ESRP2: variants seen among roughly 807,000 people sequenced by gnomAD.
ESRP2 encodes epithelial splicing regulatory protein 2.
A neutral mutation model predicts 78.6 loss-of-function variants in ESRP2; 48 were observed. The observed-to-expected ratio is 0.61, with a 90% CI of 0.48 to 0.78. ESRP2 has a LOEUF of 0.78. Ranked by LOEUF, ESRP2 falls within the 30% of genes least tolerant of loss-of-function variation. The pLI is 0.00. For missense variants in ESRP2, 863 were observed against 965.9 expected, an observed-to-expected ratio of 0.89 and a Z score of 1.41; for synonymous variants, 383 against 406.7, an observed-to-expected ratio of 0.94 and a Z score of 0.70.
chr16:68,231,123 T>C lies in ESRP2; in HGVS notation c.1711+55A>G, dbSNP rs2042130570. The C allele has an allele frequency of 1.9e-6, 3 of 1,609,158 alleles. No individual in the cohort carries two copies. The highest frequency in any genetic ancestry group is 3.3e-5 in the Admixed American group (2 of 59,928). On this transcript the variant is annotated intron_variant, in intron 12 of 14. Coordinates refer to ENST00000473183, the MANE Select transcript of ESRP2 (RefSeq NM_024939.3). The surrounding 1 kb of genome is among the most constrained non-coding windows in gnomAD (Gnocchi z 6.0). Reference sequence around the variant, plus strand: ...GTCCCCGCTATAGAAGGTAGGGGCTTACAACAGCCTGGCTACCACAGGCCT... The same window carrying C: ...GTCCCCGCTATAGAAGGTAGGGGCTCACAACAGCCTGGCTACCACAGGCCT...
Position 68,236,083 on chromosome 16 carries a change from A to C in ESRP2, c.-38T>G. ...AGGGGGCTCTCGGCCAGACACGCGG[A>C]CCGACGAGGCGCACGCACGCACCGA... is the stretch of plus-strand genomic sequence containing the variant. On this transcript the variant is annotated 5_prime_UTR_variant, in exon 1 of 15. Transcript: ENST00000473183. This position sits in a 1 kb window ranked among gnomAD's most constrained non-coding sequence, Gnocchi z 5.2. The C allele has an allele frequency of 7.2e-7, 1 of 1,393,322 alleles. No homozygotes were observed. Among genetic ancestry groups the C allele is most frequent in the South Asian group, 1.6e-5 (1 of 61,520 alleles). The allele number at this position is 1,393,322 out of a possible 1,614,324, so 86.3% of individuals were successfully genotyped here. A position where few individuals can be genotyped will look rare whatever the true frequency, so the allele number is the denominator to read the frequency against.
In ESRP2 at chr16:68,231,538, C is replaced by G. The variant is rs146975136; in HGVS notation, c.1456G>C (p.Gly486Arg). The change falls in exon 11 of 15, where the codon GGG becomes CGG. Residue 486 changes from glycine to arginine, a missense_variant. Physicochemically the swap from Gly to Arg is moderately radical, Grantham distance 125. Transcript: ENST00000473183. The surrounding 1 kb of genome is among the most constrained non-coding windows in gnomAD (Gnocchi z 6.0). ...GGCCGAATGTCAGCTGCTGCCTCCC[C>G]CAGAAAGCTCAGGATGTCTTCAATG... is the stretch of plus-strand genomic sequence containing the variant. Reference protein sequence around the residue: ...ATIEDILSFLGEAAADIRPHG... With the variant: ...ATIEDILSFLREAAADIRPHG... 10 of 1,614,010 alleles carry G rather than the reference C, an allele frequency of 6.2e-6. No individual in the cohort carries two copies. The highest frequency in any genetic ancestry group is 4.5e-5 in the East Asian group (2 of 44,892).
At chr16:68,234,139 A>C in intron 2 of ESRP2, 32 bp from the exon 3 acceptor site, 2 of 1,510,026 alleles carry the variant, frequency 1.3e-6, no homozygotes, top group Non-Finnish European at 1.8e-6. Context: ...AGAGAAACAC[A>C]CAGATTCACA....
chr16:68,235,576 A>G lies in ESRP2; in HGVS notation c.327+58T>C, dbSNP rs141865143. On this transcript the variant is annotated intron_variant, in intron 2 of 14. Transcript: ENST00000473183. This position sits in a 1 kb window ranked among gnomAD's most constrained non-coding sequence, Gnocchi z 5.5. Reference sequence around the variant, plus strand: ...CGCCAGGCCTAGCCTCCGGCCGCCAATCCCGCCCAGAAATGTCCTCACGTC... The same window carrying G: ...CGCCAGGCCTAGCCTCCGGCCGCCAGTCCCGCCCAGAAATGTCCTCACGTC... 0.042 allele frequency: 66,303 copies of G among 1,588,038 alleles called. 1,587 individuals carry two copies. Among genetic ancestry groups the G allele is most frequent in the Middle Eastern group, 0.098 (505 of 5,158 alleles).
chr16:68,233,918 C>T, intron 3 of ESRP2, 36 bp from the exon 4 acceptor site: 1 of 1,597,978 alleles, frequency 6.3e-7, no homozygotes, highest in Non-Finnish European at 8.6e-7. Context: ...AGCGCCCTGC[C>T]CACCCTCAGG....
At position 68,232,131 on chromosome 16, in the gene ESRP2, C is replaced by T. The variant is rs766807511; in HGVS notation, c.998-28G>A. Reference sequence around the variant, plus strand: ...GTGTATGAGAGTCGCCTGCTGACTTCACTCATGCTCCTCCAGACACTCACC... The same window carrying T: ...GTGTATGAGAGTCGCCTGCTGACTTTACTCATGCTCCTCCAGACACTCACC... On this transcript the variant is annotated intron_variant, in intron 9 of 14. Coordinates refer to ENST00000473183, the MANE Select transcript of ESRP2 (RefSeq NM_024939.3). This position sits in a 1 kb window ranked among gnomAD's most constrained non-coding sequence, Gnocchi z 5.2. The T allele has an allele frequency of 6.2e-7, 1 of 1,609,822 alleles. No individual in the cohort carries two copies. Among genetic ancestry groups the T allele is most frequent in the South Asian group, 1.1e-5 (1 of 90,774 alleles).
intron 4 of ESRP2, 28 bp from the exon 5 acceptor site, chr16:68,233,453 CATCTT>C: frequency 3.9e-6 from 6 of 1,531,678 alleles, no homozygotes; most frequent in Non-Finnish European, 5.4e-6. Flanking sequence ...ACAGTGAAGA[CATCTT>C]AGCATAAGCA....
chr16:68,233,658 A>C, intron 4 of ESRP2, 110 bp downstream of exon 4: 1 of 832,612 alleles, frequency 1.2e-6, no homozygotes, highest in South Asian at 1.5e-5. Context: ...GGGACTTAGC[A>C]GATAACGCAG....
rs781557581 is a variant in ESRP2 at position 68,233,381 on chromosome 16, A to C, written c.601T>G (p.Trp201Gly). The C allele has an allele frequency of 6.2e-7, 1 of 1,614,116 alleles. No individual in the cohort carries two copies. Among genetic ancestry groups the C allele is most frequent in the Admixed American group, 1.7e-5 (1 of 60,022 alleles). Residue 201 changes from tryptophan to glycine, a missense_variant, in exon 5 of 15, where the codon TGG (tryptophan) becomes GGG (glycine). Transcript: ENST00000473183. ...ACAGCTACCATTGTCTTGACTTCCC[A>C]GACCCCAAAGTCATCCTCTGTGGCA... ...TDATEDDFGV[W>G]EVKTMVAVIL...
Position 68,229,220 on chromosome 16 carries a change from T to G in ESRP2, c.*1006A>C, listed in dbSNP as rs141967104. On this transcript the variant is annotated 3_prime_UTR_variant, in exon 15 of 15. Transcript: ENST00000473183. ...AGAGCCAGCAGTTGAGGCTCCTCAG[T>G]TTTAGTGCTGAAATAATAAACAGTG... 2.0e-5 allele frequency: 3 copies of G among 152,330 alleles called. No individual in the cohort carries two copies. The East Asian group carries it at 5.8e-4, about 29-fold the overall frequency. 9.4% of individuals were successfully genotyped at this position (152,330 alleles called of 1,614,324 possible). A position where few individuals can be genotyped will look rare whatever the true frequency, so the allele number is the denominator to read the frequency against.
chr16:68,235,796 C>T lies in ESRP2; in HGVS notation c.199-34G>A, dbSNP rs1428879767. The T allele has an allele frequency of 6.2e-7, 1 of 1,610,124 alleles. No homozygotes were observed. The highest frequency in any genetic ancestry group is 8.5e-7 in the Non-Finnish European group (1 of 1,178,682). On this transcript the variant is annotated intron_variant, in intron 1 of 14. Transcript: ENST00000473183. The surrounding 1 kb of genome is among the most constrained non-coding windows in gnomAD (Gnocchi z 5.5). ...GGCGGGGGAAACCGATCAGCCGCGC[C>T]CCTCGACCCCGGAAGCTCCCTGGGG...
Position 68,230,168 on chromosome 16 carries a change from T to G in ESRP2, c.*58A>C, listed in dbSNP as rs1184687885. On this transcript the variant is annotated 3_prime_UTR_variant, in exon 15 of 15. Transcript: ENST00000473183. ...GGTTGAGGGTGCTGGTCTTCTGGACTCAGGAGAGACATGTTCGCCGAGGAT... is the reference window on the plus strand; with the variant it reads ...GGTTGAGGGTGCTGGTCTTCTGGACGCAGGAGAGACATGTTCGCCGAGGAT... The G allele has an allele frequency of 6.6e-7, 1 of 1,522,648 alleles. No individual in the cohort carries two copies. Among genetic ancestry groups the G allele is most frequent in the Non-Finnish European group, 9.1e-7 (1 of 1,097,284 alleles). 94.3% of individuals were successfully genotyped at this position (1,522,648 alleles called of 1,614,324 possible).
chr16:68,230,381 A>T lies in ESRP2; in HGVS notation c.2064+8T>A, dbSNP rs567277463. ...GACCCGCCAGGCCCTCCGGCCACACAATCTCACCTGGTAGGCCTGGAAGAC... is the reference window on the plus strand; with the variant it reads ...GACCCGCCAGGCCCTCCGGCCACACTATCTCACCTGGTAGGCCTGGAAGAC... On this transcript the variant is annotated splice_region_variant and intron_variant, in intron 14 of 14. Transcript: ENST00000473183. The T allele has an allele frequency of 6.2e-7, 1 of 1,614,028 alleles. No homozygotes were observed. The highest frequency in any genetic ancestry group is 8.5e-7 in the Non-Finnish European group (1 of 1,179,920).
Position 68,236,048 on chromosome 16 carries a change from C to A in ESRP2, c.-3G>T. On this transcript the variant is annotated 5_prime_UTR_variant, in exon 1 of 15. Transcript: ENST00000473183. This position sits in a 1 kb window ranked among gnomAD's most constrained non-coding sequence, Gnocchi z 5.2. ...GGCGGCGGCGGCGGCGGAGTCATGG[C>A]CGCAGAGGAAGGGGGCTCTCGGCCA... The A allele has an allele frequency of 7.0e-7, 1 of 1,437,388 alleles. No individual in the cohort carries two copies. The highest frequency in any genetic ancestry group is 9.0e-7 in the Non-Finnish European group (1 of 1,108,258). The allele number at this position is 1,437,388 out of a possible 1,614,324, so 89.0% of individuals were successfully genotyped here. A position where few individuals can be genotyped will look rare whatever the true frequency, so the allele number is the denominator to read the frequency against.
At chr16:68,233,568 A>C (rs140739363) in intron 4 of ESRP2, 143 bp from the exon 5 acceptor site, 1 of 757,068 alleles carries the variant, frequency 1.3e-6, no homozygotes, top group African/African-American at 1.7e-5. Flanking sequence ...GCACATACAG[A>C]TTCCCAGTCC....
chr16:68,231,685 G>C lies in ESRP2; in HGVS notation c.1309C>G (p.Arg437Gly). The change falls in exon 11 of 15, where the codon CGC becomes GGC. Residue 437 changes from arginine (R) to glycine (G), a missense_variant. Transcript: ENST00000473183. The surrounding 1 kb of genome is among the most constrained non-coding windows in gnomAD (Gnocchi z 6.0). ...GGAAGGAGTGGGCCGGATGCATAGC[G>C]GTTCAAGACCTAGTAAGGAAGGCAG... ...TAAEVQQVLN[R>G]YASGPLLPTL... The C allele has an allele frequency of 6.2e-7, 1 of 1,604,314 alleles. No homozygotes were observed. Among genetic ancestry groups the C allele is most frequent in the Non-Finnish European group, 8.5e-7 (1 of 1,173,180 alleles).
chr16:68,231,111 A>G lies in ESRP2; in HGVS notation c.1711+67T>C. The stretch of plus-strand genomic sequence containing the variant: ...AGCCAGAAAGGAGTCCCCGCTATAG[A>G]AGGTAGGGGCTTACAACAGCCTGGC... On this transcript the variant is annotated intron_variant, in intron 12 of 14. Transcript: ENST00000473183. This position sits in a 1 kb window ranked among gnomAD's most constrained non-coding sequence, Gnocchi z 6.0. 1 of 1,604,828 alleles carries G rather than the reference A, an allele frequency of 6.2e-7. No homozygotes were observed. The highest frequency in any genetic ancestry group is 1.1e-5 in the South Asian group (1 of 90,894).
At position 68,235,351 on chromosome 16, in the gene ESRP2, C is replaced by T; in HGVS notation, c.327+283G>A. 1.0e-6 allele frequency: 1 copy of T among 985,436 alleles called. No individual in the cohort carries two copies. Among genetic ancestry groups the T allele is most frequent in the Non-Finnish European group, 1.2e-6 (1 of 829,932 alleles). 61.0% of individuals were successfully genotyped at this position (985,436 alleles called of 1,614,324 possible). ...CTCCCAAAGGCGTCTCGGCCTCGCT[C>T]CCCGGGCGGGAACTGGGGATGGATC... On this transcript the variant is annotated intron_variant, in intron 2 of 14. Transcript: ENST00000473183. The surrounding 1 kb of genome is among the most constrained non-coding windows in gnomAD (Gnocchi z 5.5).
chr16:68,230,153 G>T lies in ESRP2; in HGVS notation c.*73C>A. 1 of 1,405,452 alleles carries T rather than the reference G, an allele frequency of 7.1e-7. No homozygotes were observed. The highest frequency in any genetic ancestry group is 1.0e-6 in the Non-Finnish European group (1 of 991,168). The allele number at this position is 1,405,452 out of a possible 1,614,324, so 87.1% of individuals were successfully genotyped here. A position where few individuals can be genotyped will look rare whatever the true frequency, so the allele number is the denominator to read the frequency against. On this transcript the variant is annotated 3_prime_UTR_variant, in exon 15 of 15. Coordinates refer to ENST00000473183, the MANE Select transcript of ESRP2 (RefSeq NM_024939.3). ...AGAAAGAAGCTACCAGGTTGAGGGT[G>T]CTGGTCTTCTGGACTCAGGAGAGAC...
Sources: allele counts gnomAD v4.1 joint callset, GRCh38; gene constraint gnomAD v4.1.1; non-coding constraint Gnocchi (gnomAD v3.1); transcripts MANE v1.5; gene names NCBI Gene and HGNC (gene_info 2026-07-23, HGNC 2026-07-21).